The following GALNT13 variants were observed in gnomAD, a reference collection of about 807,000 sequenced individuals.
GALNT13 encodes UDP-GalNAc:polypeptide N-acetylgalactosaminyltransferase 13.
In GALNT13, 28 loss-of-function variants were observed where a neutral mutation model predicts 64.2. The observed-to-expected ratio is 0.44, with a 90% CI of 0.32 to 0.60. GALNT13 has a LOEUF of 0.60. GALNT13 is among the 20% of genes least tolerant of loss of function. The pLI is 0.05. For missense variants in GALNT13, 577 were observed against 669.8 expected (o/e 0.86, Z 1.53); for synonymous variants, 214 against 224.6 (o/e 0.95, Z 0.42).
chr2:154,155,673 T>C lies in GALNT13; in HGVS notation c.311+15168T>C, dbSNP rs140517955. ...GTCTAAAAATTCTCATTGTATATTA[T>C]AATTAATATTCTCATCAGCTTGCAA... On this transcript the variant is annotated intron_variant, in intron 4 of 12. Coordinates refer to ENST00000392825, the MANE Select transcript of GALNT13 (RefSeq NM_052917.4). Among the ~76,000 whole-genome samples, 363 of 152,140 alleles carry C rather than the reference T, an allele frequency of 2.4e-3. 4 individuals carry two copies. Among genetic ancestry groups the C allele is most frequent in the African/African-American group, 8.0e-3 (333 of 41,570 alleles).
rs535529167 is a variant in GALNT13, at chr2:154,259,209, A to G, written c.975+71A>G. 7.4e-6 allele frequency: 6 copies of G among 811,856 alleles called. No homozygotes were observed. The East Asian group carries it at 7.9e-5, about 11-fold the overall frequency. 50.3% of individuals were successfully genotyped at this position (811,856 alleles called of 1,614,324 possible). A position where few individuals can be genotyped will look rare whatever the true frequency, so the allele number is the denominator to read the frequency against. ...GTAGCATGCACATACCAGTCCCAGTAATTTACTGTCAAATCATTTTTGCTG... is the reference window on the plus strand; with the variant it reads ...GTAGCATGCACATACCAGTCCCAGTGATTTACTGTCAAATCATTTTTGCTG... On this transcript the variant is annotated intron_variant, in intron 8 of 12. Transcript: ENST00000392825.
At chr2:153,906,302 T>G (rs1277096735) in intron 2 of GALNT13, among the ~76,000 whole-genome samples, 3 of 151,616 alleles carry the variant, frequency 2.0e-5, no homozygotes, top group Non-Finnish European at 2.9e-5. Context: ...TGTGCAGGTT[T>G]GTTACATATG....
chr2:154,145,615 T>G (rs960919915), intron 4 of GALNT13, among the ~76,000 whole-genome samples: 3 of 151,972 alleles, frequency 2.0e-5, no homozygotes, highest in Admixed American at 6.6e-5. Flanking sequence ...TTTTATATCC[T>G]AGGCCAAATA....
At chr2:153,843,754 A>G in the GALNT13 span, among the ~76,000 whole-genome samples, 3 of 152,200 alleles carry the variant, frequency 2.0e-5, no homozygotes, top group African/African-American at 7.2e-5. Context: ...CATTGGGTAA[A>G]CATCCCATTC....
At chr2:153,726,637 T>C in the GALNT13 span, among the ~76,000 whole-genome samples, 2 of 152,124 alleles carry the variant, frequency 1.3e-5, no homozygotes, top group Admixed American at 1.3e-4. Context: ...TGTACCATTT[T>C]TTCCTTGTTA....
the GALNT13 span, among the ~76,000 whole-genome samples, chr2:153,310,938 G>T: frequency 0.014 from 2,180 of 152,256 alleles, 49 homozygotes; most frequent in African/African-American, 0.049. Flanking sequence ...ATTCCTATCT[G>T]GGATGTTACA....
the GALNT13 span, among the ~76,000 whole-genome samples, chr2:153,170,047 A>G: frequency 6.6e-6 from 1 of 152,230 alleles, no homozygotes; most frequent in Non-Finnish European, 1.5e-5. Flanking sequence ...AATTACAACT[A>G]TTATCTAATT....
the GALNT13 span, among the ~76,000 whole-genome samples, chr2:153,721,671 A>G: frequency 1.3e-5 from 2 of 151,612 alleles, no homozygotes; most frequent in African/African-American, 4.9e-5. Flanking sequence ...CTAGTCTCTG[A>G]TAAAACAGAC....
the GALNT13 span, among the ~76,000 whole-genome samples, chr2:153,537,704 T>G: frequency 6.6e-6 from 1 of 152,160 alleles, no homozygotes; most frequent in Non-Finnish European, 1.5e-5. Context: ...GTTCTTGTGA[T>G]AGCGAGTGGA....
the GALNT13 span, among the ~76,000 whole-genome samples, chr2:153,567,984 T>G: frequency 6.6e-6 from 1 of 152,200 alleles, no homozygotes; most frequent in Non-Finnish European, 1.5e-5. Flanking sequence ...GAGAAACGTG[T>G]TAGCTTCCTG....
chr2:154,292,639 T>C (rs1486474491), intron 8 of GALNT13, among the ~76,000 whole-genome samples: 1 of 152,236 alleles, frequency 6.6e-6, no homozygotes, highest in African/African-American at 2.4e-5. Context: ...TCAGGAGCTA[T>C]AGCCTCTACT....
chr2:154,063,135 A>G (rs900574913), intron 3 of GALNT13, among the ~76,000 whole-genome samples: 1 of 151,864 alleles, frequency 6.6e-6, no homozygotes, highest in South Asian at 2.1e-4. Flanking sequence ...GCAAATATGT[A>G]TTTCCTTATT....
At chr2:154,083,260 C>T (rs1701365549) in intron 3 of GALNT13, among the ~76,000 whole-genome samples, 1 of 150,454 alleles carries the variant, frequency 6.6e-6, no homozygotes, top group South Asian at 2.1e-4. Flanking sequence ...TTGTCTATTC[C>T]ACTCGTCTAT....
the GALNT13 span, among the ~76,000 whole-genome samples, chr2:153,515,708 G>A: frequency 6.6e-6 from 1 of 152,180 alleles, no homozygotes; most frequent in East Asian, 1.9e-4. Context: ...TTTACGGGAA[G>A]TAGGGAAGGC....
At chr2:153,945,730 A>T (rs1275231771) in intron 3 of GALNT13, among the ~76,000 whole-genome samples, 1 of 152,152 alleles carries the variant, frequency 6.6e-6, no homozygotes, top group East Asian at 1.9e-4. Context: ...ATTTTTGTTC[A>T]AAGAGTACTT....
At chr2:153,667,068 T>G in the GALNT13 span, among the ~76,000 whole-genome samples, 2 of 151,870 alleles carry the variant, frequency 1.3e-5, no homozygotes, top group Admixed American at 1.3e-4. Flanking sequence ...TCAACTCACT[T>G]CAGTCAGAAA....
chr2:153,777,897 C>A, the GALNT13 span, among the ~76,000 whole-genome samples: 1 of 152,116 alleles, frequency 6.6e-6, no homozygotes, highest in Non-Finnish European at 1.5e-5. Context: ...CTTTTTGTAT[C>A]CCGGGTTCTT....
At chr2:154,227,665 C>CT (rs1262702241) in intron 4 of GALNT13, among the ~76,000 whole-genome samples, 1 of 151,754 alleles carries the variant, frequency 6.6e-6, no homozygotes, top group Non-Finnish European at 1.5e-5. Flanking sequence ...TGAACTCATC[C>CT]TTTTTTGTGG....
At chr2:154,105,495 C>G (rs1702563970) in intron 3 of GALNT13, among the ~76,000 whole-genome samples, 1 of 152,064 alleles carries the variant, frequency 6.6e-6, no homozygotes, top group African/African-American at 2.4e-5. Flanking sequence ...GGCTGGTAGT[C>G]TAGTTGCGAC....
Sources: gnomAD v4.1 joint callset for allele counts (sites outside exome capture counted in the v4.1 genomes callset) on GRCh38, gnomAD v4.1.1 for gene constraint, MANE v1.5 for transcripts, NCBI Gene and HGNC (gene_info 2026-07-23, HGNC 2026-07-21) for gene names.